Variants in PIGG observed in about 807,000 individuals in gnomAD.
The protein encoded by PIGG is GPI ethanolamine phosphate transferase 2, catalytic subunit.
PIGG carries 70 observed loss-of-function variants against 83.2 expected under a neutral mutation model. That is an observed-to-expected ratio of 0.84 (90% CI 0.69 to 1.03). The LOEUF (loss-of-function observed/expected upper bound fraction) is 1.03. Among genes scored for constraint, PIGG ranks in the 50% least tolerant of loss-of-function variants. The pLI, the probability that PIGG is intolerant of heterozygous loss-of-function variation, is 0.00. For missense variants in PIGG, 1,257 were observed against 1,233.6 expected (o/e 1.02, Z -0.28); for synonymous variants, 532 against 519.5 (o/e 1.02, Z -0.33).
chr4:515,278 C>T lies in PIGG; in HGVS notation c.902-695C>T, dbSNP rs974989634. The stretch of plus-strand genomic sequence containing the variant: ...ACACTTCGACCAAGTTGAGTTTCTG[C>T]TCCGAAATCATAGTGGATGGTGGCA... On this transcript the variant is annotated intron_variant, in intron 5 of 12. Coordinates refer to ENST00000453061, the MANE Select transcript of PIGG (RefSeq NM_001127178.3). This position sits in a 1 kb window ranked among gnomAD's most constrained non-coding sequence, Gnocchi z 4.2. Among the ~76,000 whole-genome samples the T allele has an allele frequency of 6.6e-6, 1 of 152,252 alleles. No individual in the cohort carries two copies. The highest frequency in any genetic ancestry group is 6.5e-5 in the Admixed American group (1 of 15,286).
At chr4:527,579 G>C (rs1001482272) in intron 10 of PIGG, 1 of 1,024,940 alleles carries the variant, frequency 9.8e-7, no homozygotes, top group Non-Finnish European at 1.2e-6. Flanking sequence ...GTGGCAGCAC[G>C]TGATGGCCAG....
intron 4 of PIGG, among the ~76,000 whole-genome samples, chr4:508,613 C>T (rs1000836368): frequency 6.6e-6 from 1 of 152,220 alleles, no homozygotes; most frequent in Non-Finnish European, 1.5e-5. Flanking sequence ...GCCTGCTGTG[C>T]TCCATGAGCT....
chr4:508,087 G>C (rs1720482195), intron 4 of PIGG, among the ~76,000 whole-genome samples: 1 of 152,220 alleles, frequency 6.6e-6, no homozygotes, highest in Non-Finnish European at 1.5e-5. Flanking sequence ...GTGCATCAGT[G>C]AAACAGTCGA....
intron 10 of PIGG, 79 bp from the exon 11 acceptor site, chr4:530,357 G>C: frequency 1.0e-6 from 1 of 984,756 alleles, no homozygotes; most frequent in African/African-American, 1.6e-5. Context: ...TGGGTAGATA[G>C]GTGTGTTTTT....
intron 6 of PIGG, among the ~76,000 whole-genome samples, chr4:517,015 AG>A (rs971322226): frequency 2.0e-5 from 3 of 152,096 alleles, no homozygotes; most frequent in African/African-American, 7.2e-5. Context: ...GCGCACATTC[AG>A]GGGATGGTCA....
rs1444777331 is a variant in PIGG at position 515,286 on chromosome 4, TCATAG to T, written c.902-686_902-682del. Among the ~76,000 whole-genome samples the T allele has an allele frequency of 6.6e-6, 1 of 152,214 alleles. No individual in the cohort carries two copies. Among genetic ancestry groups the T allele is most frequent in the East Asian group, 1.9e-4 (1 of 5,192 alleles). ...ACCAAGTTGAGTTTCTGCTCCGAAA[TCATAG>T]TGGATGGTGGCAGAGCAGTGGCCTA... On this transcript the variant is annotated intron_variant, in intron 5 of 12. Transcript: ENST00000453061. This position sits in a 1 kb window ranked among gnomAD's most constrained non-coding sequence, Gnocchi z 4.2.
chr4:522,005 C>T, intron 8 of PIGG, 64 bp downstream of exon 8: 1 of 1,567,272 alleles, frequency 6.4e-7, no homozygotes, highest in South Asian at 1.1e-5. Context: ...CTTGTTATTT[C>T]AGGCTGCCTT....
At chr4:531,355 G>GCTGGTTCCCTTCC (rs556444292) in intron 11 of PIGG, 9,952 of 157,564 alleles carry the variant, frequency 0.063, 565 homozygotes, top group Middle Eastern at 0.14. Context: ...GCAACCTCAG[G>GCTGGTTCCCTTCC]AGAGCAGGCA....
At chr4:511,479 A>G (rs56219405) in intron 5 of PIGG, among the ~76,000 whole-genome samples, 1 of 152,082 alleles carries the variant, frequency 6.6e-6, no homozygotes, top group Admixed American at 6.5e-5. Context: ...GTGTGGATGT[A>G]TATTTCCTAT....
chr4:518,679 G>A (rs367676498), intron 6 of PIGG, among the ~76,000 whole-genome samples: 72 of 152,300 alleles, frequency 4.7e-4, no homozygotes, highest in African/African-American at 1.5e-3. Context: ...GCTGGGGGAA[G>A]ATGGGAACCA....
intron 12 of PIGG, among the ~76,000 whole-genome samples, chr4:534,890 C>A (rs1474975955): frequency 6.6e-6 from 1 of 152,016 alleles, no homozygotes; most frequent in Non-Finnish European, 1.5e-5. Context: ...AGGGCGCAGC[C>A]CCCCATCCAC....
rs1731604763 is a variant in PIGG, at chr4:539,752, A to T, written c.*383A>T. 1 of 171,096 alleles carries T rather than the reference A, an allele frequency of 5.8e-6. No homozygotes were observed. Among genetic ancestry groups the T allele is most frequent in the African/African-American group, 2.4e-5 (1 of 42,094 alleles). 10.6% of individuals were successfully genotyped at this position (171,096 alleles called of 1,614,324 possible). ...ATCCTACAAACCACTGAGGGCCCCA[A>T]GGCGCTTTGGTTTATGAGGGTTACA... On this transcript the variant is annotated 3_prime_UTR_variant, in exon 13 of 13. Transcript: ENST00000453061.
At chr4:507,286 C>G (rs1720056776) in intron 3 of PIGG, 119 bp from the exon 4 acceptor site, 1 of 773,804 alleles carries the variant, frequency 1.3e-6, no homozygotes, top group Non-Finnish European at 2.1e-6. Flanking sequence ...TTTCAACTCC[C>G]CCAAATCCTG....
At chr4:510,449 T>A (rs1721522821) in intron 5 of PIGG, among the ~76,000 whole-genome samples, 1 of 152,218 alleles carries the variant, frequency 6.6e-6, no homozygotes, top group Non-Finnish European at 1.5e-5. Flanking sequence ...CCTTCCAGCG[T>A]GGGCGTCATG....
chr4:499,248 G>A lies in PIGG; in HGVS notation c.-88G>A, dbSNP rs1716583234. 6.9e-7 allele frequency: 1 copy of A among 1,440,162 alleles called. No individual in the cohort carries two copies. Among genetic ancestry groups the A allele is most frequent in the Admixed American group, 2.0e-5 (1 of 50,900 alleles). 89.2% of individuals were successfully genotyped at this position (1,440,162 alleles called of 1,614,324 possible). ...CGATAAGGCCTGGCGTTATTGCTTA[G>A]AGGCGGCTACCTGGAGCCGGAAGCG... On this transcript the variant is annotated 5_prime_UTR_variant, in exon 1 of 13. Coordinates refer to ENST00000453061, the MANE Select transcript of PIGG (RefSeq NM_001127178.3).
Position 521,877 on chromosome 4 carries a change from C to T in PIGG, c.1550C>T (p.Ala517Val), listed in dbSNP as rs556431524. Reference protein sequence around the residue: ...AAGGVMVLASALLCVIVSVLT... With the variant: ...AAGGVMVLASVLLCVIVSVLT... ...GGTGGGGTGATGGTGCTGGCCTCGG[C>T]GCTGCTGTGTGTGATTGTGTCTGTT... The change falls in exon 8 of 13, where the codon GCG (alanine) becomes GTG (valine). Residue 517 changes from alanine to valine, a missense_variant. Ala to Val is a moderately conservative substitution (Grantham distance 64). Transcript: ENST00000453061. 2.2e-5 allele frequency: 35 copies of T among 1,614,154 alleles called. No homozygotes were observed. In the South Asian group the frequency reaches 2.7e-4, roughly 13 times the overall value.
intron 6 of PIGG, among the ~76,000 whole-genome samples, chr4:518,346 C>T (rs1379839617): frequency 2.0e-5 from 3 of 152,224 alleles, no homozygotes; most frequent in Non-Finnish European, 4.4e-5. Flanking sequence ...GTCATCCCAG[C>T]ACTTTGGGAG....
Position 527,139 on chromosome 4 carries a change from C to T in PIGG, c.2170C>T (p.Leu724=), listed in dbSNP as rs1420582181. 1 of 1,614,016 alleles carries T rather than the reference C, an allele frequency of 6.2e-7. No homozygotes were observed. The highest frequency in any genetic ancestry group is 8.5e-7 in the Non-Finnish European group (1 of 1,180,016). ...GTGCTCCCCTGTGTCCAAGGCTGCC[C>T]TGGCGCTGGGGCTGCTGGGCGTCTA... The part of the protein sequence containing the change: ...RGCSPVSKAA[L]ALGLLGVYCY... The change falls in exon 10 of 13, where the codon CTG becomes TTG. Residue 724 remains leucine, a synonymous_variant. Coordinates refer to ENST00000453061, the MANE Select transcript of PIGG (RefSeq NM_001127178.3).
At chr4:505,361 C>T (rs1444298915) in intron 2 of PIGG, among the ~76,000 whole-genome samples, 1 of 151,222 alleles carries the variant, frequency 6.6e-6, no homozygotes, top group African/African-American at 2.4e-5. Context: ...ATTGACCCAG[C>T]CACCAGTACT....
Sources: allele counts gnomAD v4.1 joint callset (sites outside exome capture counted in the v4.1 genomes callset), GRCh38; gene constraint gnomAD v4.1.1; non-coding constraint Gnocchi (gnomAD v3.1); transcripts MANE v1.5; gene names NCBI Gene and HGNC (gene_info 2026-07-23, HGNC 2026-07-21).